Variants in MPP4 observed in about 807,000 individuals in gnomAD.
The protein encoded by MPP4 is MAGUK p55 scaffold protein 4.
MPP4 carries 91 observed loss-of-function variants against 98.3 expected under a neutral mutation model. The ratio of observed to expected loss-of-function variants is 0.93; its 90% CI spans 0.78 to 1.10. MPP4 has a LOEUF of 1.10. Ranked by LOEUF, MPP4 falls within the 50% of genes least tolerant of loss-of-function variation. The pLI is 0.00. For missense variants in MPP4, 744 were observed against 792.9 expected (o/e 0.94, Z 0.74); for synonymous variants, 261 against 271.8 (o/e 0.96, Z 0.39).
At chr2:201,677,081 T>A (rs1688525433) in intron 10 of MPP4, among the ~76,000 whole-genome samples, 1 of 152,194 alleles carries the variant, frequency 6.6e-6, no homozygotes, top group South Asian at 2.1e-4. Flanking sequence ...TGTTTCCTGT[T>A]TTTTAACCTT....
chr2:201,658,391 C>T, intron 16 of MPP4, 86 bp downstream of exon 16: 1 of 1,167,490 alleles, frequency 8.6e-7, no homozygotes, highest in Non-Finnish European at 1.2e-6. Context: ...TGTTCATTAG[C>T]AAAAGAAACT....
intron 6 of MPP4, 97 bp downstream of exon 6, chr2:201,685,822 C>T: frequency 2.1e-6 from 3 of 1,452,030 alleles, no homozygotes; most frequent in South Asian, 1.2e-5. Flanking sequence ...TATGTGATCG[C>T]AGGCAAGGCT....
At chr2:201,662,317 A>C (rs1419123314) in intron 14 of MPP4, among the ~76,000 whole-genome samples, 1 of 150,426 alleles carries the variant, frequency 6.6e-6, no homozygotes, top group African/African-American at 2.4e-5. Context: ...TAGCCTGAGC[A>C]ACATGGAAAC....
chr2:201,692,758 A>C, intron 3 of MPP4, 150 bp downstream of exon 3: 4 of 1,153,846 alleles, frequency 3.5e-6, no homozygotes, highest in Non-Finnish European at 4.8e-6. Flanking sequence ...TGGATTTTGG[A>C]CTTCCTGGCC....
intron 16 of MPP4, among the ~76,000 whole-genome samples, chr2:201,656,705 A>G (rs944202513): frequency 6.6e-5 from 10 of 152,174 alleles, no homozygotes; most frequent in Non-Finnish European, 1.3e-4. Context: ...TAAGAAGATG[A>G]GGTAGATAGA....
In MPP4 at chr2:201,656,484, G is replaced by A. The variant is rs2105915964; in HGVS notation, c.1130-116C>T. ...CTAAAGTGTTCATTAATATAGTCAG[G>A]TCTGTCTGAAGTTAGAAGATGGGAA... is the stretch of plus-strand genomic sequence containing the variant. On this transcript the variant is annotated intron_variant, in intron 16 of 21. Coordinates refer to ENST00000409474, the MANE Select transcript of MPP4 (RefSeq NM_033066.3). 4.8e-6 allele frequency: 5 copies of A among 1,038,566 alleles called. No individual in the cohort carries two copies. In the East Asian group the frequency reaches 1.5e-4, roughly 30 times the overall value. 64.3% of individuals were successfully genotyped at this position (1,038,566 alleles called of 1,614,324 possible).
At chr2:201,694,761 T>C (rs113569606) in intron 1 of MPP4, among the ~76,000 whole-genome samples, 1,742 of 151,672 alleles carry the variant, frequency 0.011, 30 homozygotes, top group African/African-American at 0.04. Context: ...TCTGGGACCA[T>C]AGGCATGTGC....
chr2:201,651,938 G>T, intron 18 of MPP4: 1 of 782,978 alleles, frequency 1.3e-6, no homozygotes, highest in Non-Finnish European at 1.5e-6. Context: ...GGGCAATGCA[G>T]TGAGACTCCA....
intron 18 of MPP4, chr2:201,651,655 CGAAAAATGGT>C (rs1687714378): frequency 1.0e-6 from 1 of 985,086 alleles, no homozygotes; most frequent in Non-Finnish European, 1.2e-6. Flanking sequence ...TTCAGACTAT[CGAAAAATGGT>C]GATTTTGGCC....
At chr2:201,654,346 G>C (rs1687797263) in intron 18 of MPP4, among the ~76,000 whole-genome samples, 1 of 152,094 alleles carries the variant, frequency 6.6e-6, no homozygotes, top group Non-Finnish European at 1.5e-5. Context: ...AGTTGTATAG[G>C]CATATATCAA....
At position 201,698,631 on chromosome 2, in the gene MPP4, C is replaced by G; in HGVS notation, c.-145G>C. On this transcript the variant is annotated 5_prime_UTR_variant, in exon 1 of 22. Coordinates refer to ENST00000409474, the MANE Select transcript of MPP4 (RefSeq NM_033066.3). ...CATGTTGCTCCTATCCAGACAAAAG[C>G]TTTAGTAGGATACTAGTGGCCTGTT... 1 of 1,302,272 alleles carries G rather than the reference C, an allele frequency of 7.7e-7. No individual in the cohort carries two copies. Among genetic ancestry groups the G allele is most frequent in the Non-Finnish European group, 1.0e-6 (1 of 988,308 alleles). The allele number at this position is 1,302,272 out of a possible 1,614,324, so 80.7% of individuals were successfully genotyped here.
At chr2:201,649,533 G>A (rs990470527) in intron 20 of MPP4, 43 bp downstream of exon 20, 23 of 1,364,268 alleles carry the variant, frequency 1.7e-5, no homozygotes, top group Middle Eastern at 1.8e-4. Context: ...TGGATGATAC[G>A]CATTCATTGT....
At chr2:201,657,626 G>C (rs1378136825) in intron 16 of MPP4, among the ~76,000 whole-genome samples, 1 of 63,290 alleles carries the variant, frequency 1.6e-5, no homozygotes, top group African/African-American at 5.3e-5. Context: ...TTTGCTTATT[G>C]TATCAATCAA....
At chr2:201,683,058 C>T in intron 7 of MPP4, 142 bp from the exon 8 acceptor site, 1 of 592,654 alleles carries the variant, frequency 1.7e-6, no homozygotes. Flanking sequence ...GAAAAGAAAG[C>T]TGGTTATTCC....
chr2:201,664,555 C>T (rs1449202524), intron 13 of MPP4, among the ~76,000 whole-genome samples: 35 of 152,120 alleles, frequency 2.3e-4, no homozygotes, highest in Non-Finnish European at 2.9e-5. Context: ...ATATGAATGA[C>T]TTGATTACGT....
intron 1 of MPP4, among the ~76,000 whole-genome samples, chr2:201,697,158 A>AGAGAACCCTCGC (rs1689212912): frequency 6.6e-6 from 1 of 152,234 alleles, no homozygotes; most frequent in African/African-American, 2.4e-5. Context: ...AAAGCCAGGA[A>AGAGAACCCTCGC]GAGAACCCTC....
intron 11 of MPP4, among the ~76,000 whole-genome samples, chr2:201,670,183 A>T (rs1421717385): frequency 1.3e-5 from 2 of 152,206 alleles, no homozygotes; most frequent in African/African-American, 4.8e-5. Context: ...CCTTCAGTAA[A>T]TAACATTTTA....
intron 1 of MPP4, among the ~76,000 whole-genome samples, chr2:201,694,541 T>TGTTTC (rs1218171377): frequency 6.6e-6 from 1 of 152,058 alleles, no homozygotes; most frequent in Non-Finnish European, 1.5e-5. Flanking sequence ...TGTTTTGTTT[T>TGTTTC]GTTTCTAGAG....
intron 1 of MPP4, among the ~76,000 whole-genome samples, chr2:201,695,892 G>A (rs1244299730): frequency 2.0e-5 from 3 of 152,150 alleles, no homozygotes; most frequent in Non-Finnish European, 4.4e-5. Context: ...CATTGTTATA[G>A]TAGGACAATA....
Sources: allele counts gnomAD v4.1 joint callset (sites outside exome capture counted in the v4.1 genomes callset), GRCh38; gene constraint gnomAD v4.1.1; transcripts MANE v1.5; gene names NCBI Gene and HGNC (gene_info 2026-07-23, HGNC 2026-07-21).